Variants in HIRA observed in about 807,000 individuals in gnomAD.
The protein encoded by HIRA is histone cell cycle regulator.
In HIRA, 13 loss-of-function variants were observed where a neutral mutation model predicts 126.6. The ratio of observed to expected loss-of-function variants is 0.10; its 90% CI spans 0.07 to 0.16. The LOEUF is 0.16. Ranked by LOEUF, HIRA falls within the 10% of genes least tolerant of loss-of-function variation. The pLI is 1.00. For missense variants in HIRA, 834 were observed against 1,314.4 expected (o/e 0.63, Z 5.65); for synonymous variants, 511 against 520.0 (o/e 0.98, Z 0.24).
chr22:19,353,041 T>C (rs566383001), intron 23 of HIRA, among the ~76,000 whole-genome samples: 46 of 152,354 alleles, frequency 3.0e-4, no homozygotes, highest in African/African-American at 1.1e-3. Flanking sequence ...CACTGCCAAG[T>C]TGTGGTGCAG....
intron 23 of HIRA, among the ~76,000 whole-genome samples, chr22:19,352,500 G>A (rs1569292332): frequency 6.6e-6 from 1 of 152,092 alleles, no homozygotes; most frequent in Admixed American, 6.5e-5. Context: ...CTGCAGGGAG[G>A]GAGGGGAGGC....
chr22:19,356,909 C>T lies in HIRA; in HGVS notation c.2377G>A (p.Ala793Thr). ...TCTCACCAGACAGAGAGTGTGGCTG[C>T]AGCGGTGAGCGCCATGACGTAGGAG... ...TGSYVMALTA[A>T]ATLSVWDVHR... The change falls in exon 19 of 25, where the codon GCA (alanine) becomes ACA (threonine). Residue 793 changes from alanine to threonine, a missense_variant. By Grantham distance (58) the Ala-to-Thr change is moderately conservative. Around this residue, in one of 5 missense-constraint regions of HIRA, gnomAD observed 468 missense variants for 574.2 expected, o/e 0.82. Coordinates refer to ENST00000263208, the MANE Select transcript of HIRA (RefSeq NM_003325.4). The T allele has an allele frequency of 6.2e-7, 1 of 1,613,746 alleles. No homozygotes were observed. The highest frequency in any genetic ancestry group is 1.3e-5 in the African/African-American group (1 of 75,048).
intron 1 of HIRA, among the ~76,000 whole-genome samples, chr22:19,420,708 T>C (rs986309625): frequency 6.9e-6 from 1 of 144,168 alleles, no homozygotes; most frequent in Admixed American, 6.6e-5. Context: ...AAGTAAGACC[T>C]TGTCTTTAAA....
intron 1 of HIRA, among the ~76,000 whole-genome samples, chr22:19,414,854 T>A (rs1238210530): frequency 2.0e-5 from 3 of 152,048 alleles, no homozygotes; most frequent in Non-Finnish European, 4.4e-5. Context: ...ACCATTGCAC[T>A]CCAGCCTGGG....
At chr22:19,342,744 C>G (rs1315359624) in intron 24 of HIRA, among the ~76,000 whole-genome samples, 4 of 152,206 alleles carry the variant, frequency 2.6e-5, no homozygotes, top group Admixed American at 6.5e-5. Context: ...AATCCCACTA[C>G]TGTGTATCTA....
chr22:19,394,564 C>T, intron 7 of HIRA, 55 bp from the exon 8 acceptor site: 1 of 1,561,796 alleles, frequency 6.4e-7, no homozygotes, highest in Non-Finnish European at 8.8e-7. Context: ...GTGACCAAAA[C>T]TCTGGCCTCG....
intron 23 of HIRA, among the ~76,000 whole-genome samples, chr22:19,352,339 G>A (rs181153042): frequency 6.6e-6 from 1 of 152,206 alleles, no homozygotes; most frequent in East Asian, 1.9e-4. Context: ...TGGAGTAAGA[G>A]GAGGGGCTCC....
chr22:19,383,818 C>T (rs1190000342), intron 12 of HIRA, 113 bp from the exon 13 acceptor site: 3 of 755,986 alleles, frequency 4.0e-6, no homozygotes, highest in African/African-American at 1.7e-5. Flanking sequence ...GCATAAGATC[C>T]ACCCTCTTAG....
chr22:19,356,044 C>T (rs1426207659), intron 20 of HIRA, among the ~76,000 whole-genome samples, 179 bp from the exon 21 acceptor site: 1 of 152,224 alleles, frequency 6.6e-6, no homozygotes, highest in Non-Finnish European at 1.5e-5. Flanking sequence ...CTTTTGTCAC[C>T]TCTTGGGGAC....
chr22:19,360,397 C>G (rs1467851444), intron 17 of HIRA, among the ~76,000 whole-genome samples: 1 of 152,234 alleles, frequency 6.6e-6, no homozygotes, highest in Non-Finnish European at 1.5e-5. Flanking sequence ...GCCCCTGCCT[C>G]CGTTCACACC....
chr22:19,405,884 T>C lies in HIRA; in HGVS notation c.303-4A>G. The C allele has an allele frequency of 1.4e-6, 2 of 1,462,006 alleles. No homozygotes were observed. The highest frequency in any genetic ancestry group is 1.8e-6 in the Non-Finnish European group (2 of 1,098,376). 90.6% of individuals were successfully genotyped at this position (1,462,006 alleles called of 1,614,324 possible). On this transcript the variant is annotated splice_polypyrimidine_tract_variant and splice_region_variant and intron_variant, in intron 4 of 24. Transcript: ENST00000263208. ...CACGGTGCTGGGGCCGATGTACCTG[T>C]GTGAGAAAGGGGCCAAAAAGGCACT... is the stretch of plus-strand genomic sequence containing the variant.
intron 1 of HIRA, among the ~76,000 whole-genome samples, chr22:19,417,414 G>A (rs1180432743): frequency 1.3e-5 from 2 of 151,916 alleles, no homozygotes; most frequent in African/African-American, 4.8e-5. Context: ...AAGAGGTCAA[G>A]AGATCAAGAC....
At chr22:19,335,157 G>A (rs1367816705) in intron 24 of HIRA, among the ~76,000 whole-genome samples, 1 of 151,840 alleles carries the variant, frequency 6.6e-6, no homozygotes, top group Non-Finnish European at 1.5e-5. Context: ...TGGCGTCTGT[G>A]ATACTGCTGT....
At chr22:19,399,908 A>C (rs949509728) in intron 5 of HIRA, among the ~76,000 whole-genome samples, 2 of 152,348 alleles carry the variant, frequency 1.3e-5, no homozygotes, top group South Asian at 2.1e-4. Context: ...GTCTAACAAC[A>C]TAAATGCAGT....
intron 5 of HIRA, among the ~76,000 whole-genome samples, chr22:19,398,366 C>T (rs566612899): frequency 1.6e-4 from 25 of 152,346 alleles, no homozygotes; most frequent in Middle Eastern, 3.4e-3. Context: ...CCTGCTACTT[C>T]GTGGGTCTGT....
intron 15 of HIRA, among the ~76,000 whole-genome samples, chr22:19,368,659 T>C (rs1246860369): frequency 6.6e-6 from 1 of 152,234 alleles, no homozygotes; most frequent in East Asian, 1.9e-4. Flanking sequence ...AAGGGTTTCA[T>C]GTATTAAAAT....
Position 19,351,095 on chromosome 22 carries a change from C to T in HIRA, c.2937+263G>A. 1.0e-6 allele frequency: 1 copy of T among 984,512 alleles called. No individual in the cohort carries two copies. The highest frequency in any genetic ancestry group is 1.2e-6 in the Non-Finnish European group (1 of 829,086). The allele number at this position is 984,512 out of a possible 1,614,324, so 61.0% of individuals were successfully genotyped here. A position where few individuals can be genotyped will look rare whatever the true frequency, so the allele number is the denominator to read the frequency against. On this transcript the variant is annotated intron_variant, in intron 24 of 24. Coordinates refer to ENST00000263208, the MANE Select transcript of HIRA (RefSeq NM_003325.4). This position sits in a 1 kb window ranked among gnomAD's most constrained non-coding sequence, Gnocchi z 4.8. ...ACCTTCCGTCTTTTGTCTTCACAAC[C>T]AAGCCCAGAGCCCCTGCAGGCAGCC... is the stretch of plus-strand genomic sequence containing the variant.
At chr22:19,335,632 TCTG>T (rs2146164341) in intron 24 of HIRA, among the ~76,000 whole-genome samples, 1 of 152,332 alleles carries the variant, frequency 6.6e-6, no homozygotes, top group East Asian at 1.9e-4. Context: ...GAACTGAAGA[TCTG>T]CTTTTACTTA....
intron 15 of HIRA, among the ~76,000 whole-genome samples, chr22:19,371,969 G>A (rs2088969923): frequency 6.6e-6 from 1 of 152,146 alleles, no homozygotes; most frequent in South Asian, 2.1e-4. Flanking sequence ...CAATTCTCCT[G>A]GGTATGTATC....
Sources: gnomAD v4.1 joint callset for allele counts (sites outside exome capture counted in the v4.1 genomes callset) on GRCh38, gnomAD v4.1.1 for gene constraint, gnomAD v4.1.1 regional missense constraint, Gnocchi (gnomAD v3.1) non-coding constraint, MANE v1.5 for transcripts, NCBI Gene and HGNC (gene_info 2026-07-23, HGNC 2026-07-21) for gene names.